Variants in SAMMSON observed in about 807,000 individuals in gnomAD.
SAMMSON encodes survival associated mitochondrial melanoma specific oncogenic non-coding RNA.
intron 9 of SAMMSON, among the ~76,000 whole-genome samples, chr3:70,382,148 G>T (rs1703074542): frequency 6.6e-6 from 1 of 152,054 alleles, no homozygotes; most frequent in Admixed American, 6.6e-5. Context: ...CTCAGTAATA[G>T]GTATATAAAG....
At chr3:70,119,341 A>G (rs1217802075) in intron 4 of SAMMSON, among the ~76,000 whole-genome samples, 1 of 152,250 alleles carries the variant, frequency 6.6e-6, no homozygotes, top group South Asian at 2.1e-4. Flanking sequence ...TGCTGGGATT[A>G]CAGGCGTGAG....
intron 4 of SAMMSON, among the ~76,000 whole-genome samples, chr3:70,088,818 A>AT (rs928070556): frequency 2.0e-5 from 3 of 152,138 alleles, no homozygotes; most frequent in Admixed American, 1.3e-4. Flanking sequence ...ATTGGTTATG[A>AT]TTTTCTCTAT....
At chr3:70,133,106 A>T (rs1313752636) in intron 4 of SAMMSON, among the ~76,000 whole-genome samples, 1 of 152,104 alleles carries the variant, frequency 6.6e-6, no homozygotes, top group African/African-American at 2.4e-5. Flanking sequence ...CTCTGAAGTG[A>T]TATATCTTTT....
Position 70,341,448 on chromosome 3 carries a change from C to T in SAMMSON, n.740-12727C>T, listed in dbSNP as rs540692988. On this transcript the variant is annotated intron_variant and non_coding_transcript_variant, in intron 7 of 9. Coordinates refer to ENST00000642114, the Ensembl canonical transcript of SAMMSON. Reference sequence around the variant, plus strand: ...GTCTCAGTAAGCACAGGTTTCTATCCCAGGCCAGAGGATGAATCCTAGTTG... The same window carrying T: ...GTCTCAGTAAGCACAGGTTTCTATCTCAGGCCAGAGGATGAATCCTAGTTG... Among the ~76,000 whole-genome samples the T allele has an allele frequency of 2.0e-5, 3 of 152,106 alleles. No homozygotes were observed. In the South Asian group the frequency reaches 6.2e-4, roughly 32 times the overall value.
chr3:70,143,373 T>A (rs766487003), intron 4 of SAMMSON, among the ~76,000 whole-genome samples: 1 of 151,934 alleles, frequency 6.6e-6, no homozygotes, highest in Non-Finnish European at 1.5e-5. Flanking sequence ...TGTGAATGTG[T>A]GTGTGTGTGT....
intron 3 of SAMMSON, among the ~76,000 whole-genome samples, chr3:70,016,411 TC>T (rs2066985968): frequency 2.6e-5 from 4 of 152,200 alleles, no homozygotes; most frequent in Admixed American, 2.6e-4. Context: ...TTCACATCTT[TC>T]ACTCACTTTG....
intron 9 of SAMMSON, among the ~76,000 whole-genome samples, chr3:70,386,446 AT>A (rs1205672153): frequency 9.9e-5 from 15 of 152,138 alleles, no homozygotes; most frequent in Admixed American, 8.5e-4. Context: ...ATGAAAAAAA[AT>A]AAATTCATTT....
chr3:70,092,813 G>T (rs1045888029), intron 4 of SAMMSON, among the ~76,000 whole-genome samples: 1 of 151,850 alleles, frequency 6.6e-6, no homozygotes, highest in African/African-American at 2.4e-5. Flanking sequence ...CCTTTTATTT[G>T]TGGAAGAGGT....
chr3:70,039,302 T>C (rs376569110), intron 3 of SAMMSON, among the ~76,000 whole-genome samples: 1 of 152,256 alleles, frequency 6.6e-6, no homozygotes, highest in East Asian at 1.9e-4. Context: ...TAATTTTATG[T>C]GCCAACTTAG....
chr3:70,037,160 TG>T (rs2067088317), intron 3 of SAMMSON, among the ~76,000 whole-genome samples: 2 of 151,990 alleles, frequency 1.3e-5, no homozygotes, highest in Admixed American at 6.5e-5. Context: ...TCTATTGATT[TG>T]TTTTTTTTTT....
chr3:70,300,633 A>T (rs1322218331), intron 7 of SAMMSON, among the ~76,000 whole-genome samples: 1 of 152,094 alleles, frequency 6.6e-6, no homozygotes, highest in African/African-American at 2.4e-5. Flanking sequence ...AAAAAGAACT[A>T]GTTATTTCTC....
In SAMMSON at chr3:70,278,859, T is replaced by C. The variant is rs765193272; in HGVS notation, n.675-12320T>C. On this transcript the variant is annotated intron_variant and non_coding_transcript_variant, in intron 6 of 9. Coordinates refer to ENST00000642114, the Ensembl canonical transcript of SAMMSON. The stretch of plus-strand genomic sequence containing the variant: ...AAGCCACCTCAAATCAAAGGGTTGT[T>C]GTAAAAACAAATGAAATAACAATTG... Among the ~76,000 whole-genome samples, 64 of 152,030 alleles carry C rather than the reference T, an allele frequency of 4.2e-4. 1 individual carries two copies. The highest frequency in any genetic ancestry group is 1.0e-3 in the Admixed American group (16 of 15,252).
At position 70,098,332 on chromosome 3, in the gene SAMMSON, C is replaced by T. The variant is rs188174413; in HGVS notation, n.507+26767C>T. On this transcript the variant is annotated intron_variant and non_coding_transcript_variant, in intron 4 of 9. Coordinates refer to ENST00000642114, the Ensembl canonical transcript of SAMMSON. ...CCCTTCCCTCCTATCCTGTTCCGTT[C>T]TCCCTACTGCCACCTGAGTGAGCTC... 1.6e-3 allele frequency among the ~76,000 whole-genome samples: 244 copies of T among 152,236 alleles called. 3 individuals carry two copies. Among genetic ancestry groups the T allele is most frequent in the African/African-American group, 5.6e-3 (233 of 41,562 alleles).
chr3:70,405,666 G>C (rs972664857), intron 2 of SAMMSON, among the ~76,000 whole-genome samples: 5 of 152,138 alleles, frequency 3.3e-5, no homozygotes, highest in Non-Finnish European at 5.9e-5. Context: ...AGAACAAAAA[G>C]CTTGAAGATA....
At chr3:70,126,200 C>T (rs980787335) in intron 4 of SAMMSON, 2 of 1,094,610 alleles carry the variant, frequency 1.8e-6, no homozygotes, top group Non-Finnish European at 2.7e-6. Context: ...ACATTTTCTA[C>T]TGTTAAATAA....
At chr3:70,352,990 T>A (rs1341558485) in intron 7 of SAMMSON, among the ~76,000 whole-genome samples, 1 of 151,980 alleles carries the variant, frequency 6.6e-6, no homozygotes, top group Admixed American at 6.6e-5. Context: ...AAAAGATAAA[T>A]TTTTTCAGCA....
intron 4 of SAMMSON, among the ~76,000 whole-genome samples, chr3:70,131,327 G>A (rs932413189): frequency 3.0e-4 from 45 of 152,176 alleles, no homozygotes; most frequent in Non-Finnish European, 7.3e-5. Context: ...CCAGAAGAAA[G>A]AGACTTCTGT....
intron 4 of SAMMSON, among the ~76,000 whole-genome samples, chr3:70,192,931 G>A (rs1356688037): frequency 7.2e-5 from 11 of 152,150 alleles, no homozygotes; most frequent in Admixed American, 1.3e-4. Context: ...GTTGGTGGGC[G>A]CGGGGGGTTG....
intron 4 of SAMMSON, among the ~76,000 whole-genome samples, chr3:70,245,187 C>A (rs1701695299): frequency 6.6e-6 from 1 of 151,980 alleles, no homozygotes; most frequent in Admixed American, 6.6e-5. Flanking sequence ...CAATGCATTT[C>A]TCTTGGCGTT....
Sources: gnomAD v4.1 joint callset for allele counts (sites outside exome capture counted in the v4.1 genomes callset) on GRCh38, gnomAD v4.1.1 for gene constraint, MANE v1.5 for transcripts, NCBI Gene and HGNC (gene_info 2026-07-23, HGNC 2026-07-21) for gene names.